QTRT2: variants seen among roughly 807,000 people sequenced by gnomAD.
QTRT2 encodes queuine tRNA-ribosyltransferase domain containing 1.
QTRT2 carries 32 observed loss-of-function variants against 44.8 expected under a neutral mutation model. The observed-to-expected ratio is 0.71, with a 90% CI of 0.54 to 0.96. The LOEUF (loss-of-function observed/expected upper bound fraction) is 0.96. Ranked by LOEUF, QTRT2 falls within the 40% of genes least tolerant of loss-of-function variation. The probability of loss-of-function intolerance (pLI) is 0.00; values close to 1 mark genes in which losing one functional copy is unlikely to be tolerated. For synonymous variants in QTRT2, 182 were observed against 187.4 expected (o/e 0.97, Z 0.24); for missense variants, 461 against 503.1 (o/e 0.92, Z 0.80).
chr3:114,084,012 A>G lies in QTRT2; in HGVS notation c.1016+1218A>G, dbSNP rs145956083. Among the ~76,000 whole-genome samples the G allele has an allele frequency of 6.0e-5, 9 of 151,024 alleles. No homozygotes were observed. The East Asian group carries it at 1.8e-3, about 29-fold the overall frequency. On this transcript the variant is annotated intron_variant, in intron 9 of 9. Transcript: ENST00000281273. ...TTGAGATTTGTAGACAAATTCTAGCACTGCTCTTGACTGTGTGACTTTGGT... is the reference window on the plus strand; with the variant it reads ...TTGAGATTTGTAGACAAATTCTAGCGCTGCTCTTGACTGTGTGACTTTGGT...
At chr3:114,075,607 C>G (rs984901153) in intron 6 of QTRT2, among the ~76,000 whole-genome samples, 2 of 150,786 alleles carry the variant, frequency 1.3e-5, no homozygotes, top group Non-Finnish European at 2.9e-5. Context: ...CTCCTCGGCT[C>G]AAGCGATTCT....
At chr3:114,060,495 G>T (rs1559945995) in intron 2 of QTRT2, among the ~76,000 whole-genome samples, 1 of 133,868 alleles carries the variant, frequency 7.5e-6, no homozygotes. Context: ...TAGGTAGGTA[G>T]GTAGATAGAT....
intron 2 of QTRT2, among the ~76,000 whole-genome samples, chr3:114,059,936 T>C (rs556849889): frequency 6.6e-6 from 1 of 152,348 alleles, no homozygotes; most frequent in South Asian, 2.1e-4. Flanking sequence ...TATTCTAAGC[T>C]GAGGATTTTG....
intron 2 of QTRT2, among the ~76,000 whole-genome samples, chr3:114,060,503 GATAGA>G (rs777916288): frequency 0.055 from 3,943 of 72,260 alleles, 65 homozygotes; most frequent in Non-Finnish European, 0.084. Context: ...TAGGTAGATA[GATAGA>G]TAGATAGATA....
chr3:114,066,436 A>G (rs974402642), intron 4 of QTRT2, 153 bp downstream of exon 4: 50 of 576,348 alleles, frequency 8.7e-5, no homozygotes, highest in Middle Eastern at 9.5e-4. Flanking sequence ...TGGCAAGTCA[A>G]GATTGAATAG....
intron 2 of QTRT2, among the ~76,000 whole-genome samples, chr3:114,058,643 C>A (rs765773201): frequency 6.6e-6 from 1 of 152,172 alleles, no homozygotes; most frequent in South Asian, 2.1e-4. Context: ...AGTGATTCTC[C>A]TGTCTCAGCC....
At chr3:114,075,034 T>C (rs1163839825) in intron 6 of QTRT2, among the ~76,000 whole-genome samples, 1 of 152,208 alleles carries the variant, frequency 6.6e-6, no homozygotes, top group Non-Finnish European at 1.5e-5. Context: ...CACATGTGAA[T>C]GAGTATAGGA....
At chr3:114,078,762 G>A (rs2077125994) in intron 7 of QTRT2, 1 of 152,214 alleles carries the variant, frequency 6.6e-6, no homozygotes. Context: ...ATTCTCCAGT[G>A]AGCATTTCCT....
rs529501411 is a variant in QTRT2 at position 114,085,523 on chromosome 3, C to T, written c.1017-150C>T. ...ACCCGGCCCTTTGTTAACTTTTAACCATATTGCCATTTTAAGCAGGTGCAC... is the reference window on the plus strand; with the variant it reads ...ACCCGGCCCTTTGTTAACTTTTAACTATATTGCCATTTTAAGCAGGTGCAC... On this transcript the variant is annotated intron_variant, in intron 9 of 9. Transcript: ENST00000281273. 3.7e-5 allele frequency: 27 copies of T among 720,064 alleles called. No individual in the cohort carries two copies. The African/African-American group carries it at 4.4e-4, about 12-fold the overall frequency. 44.6% of individuals were successfully genotyped at this position (720,064 alleles called of 1,614,324 possible). A position where few individuals can be genotyped will look rare whatever the true frequency, so the allele number is the denominator to read the frequency against.
chr3:114,057,795 C>T (rs1448651263), intron 2 of QTRT2, among the ~76,000 whole-genome samples: 1 of 152,152 alleles, frequency 6.6e-6, no homozygotes, highest in African/African-American at 2.4e-5. Context: ...AAAACACTCC[C>T]TCCCATATGC....
At chr3:114,083,967 T>G (rs2077201105) in intron 9 of QTRT2, among the ~76,000 whole-genome samples, 1 of 152,204 alleles carries the variant, frequency 6.6e-6, no homozygotes, top group Non-Finnish European at 1.5e-5. Flanking sequence ...ACTATTATTA[T>G]CAGCACTAGA....
chr3:114,081,904 A>G (rs2077169777), intron 8 of QTRT2, among the ~76,000 whole-genome samples: 1 of 152,170 alleles, frequency 6.6e-6, no homozygotes, highest in Admixed American at 6.5e-5. Context: ...GAGATTTGTT[A>G]TCATTTGTTC....
At chr3:114,083,896 G>A (rs973030840) in intron 9 of QTRT2, among the ~76,000 whole-genome samples, 1 of 151,844 alleles carries the variant, frequency 6.6e-6, no homozygotes, top group African/African-American at 2.4e-5. Flanking sequence ...TAAAATTTTA[G>A]GGTAATATAA....
At chr3:114,061,515 T>C (rs2076886243) in intron 2 of QTRT2, among the ~76,000 whole-genome samples, 1 of 152,242 alleles carries the variant, frequency 6.6e-6, no homozygotes. Context: ...TGTGTAATTC[T>C]GTTGGCACAG....
In QTRT2 at chr3:114,087,464, C is replaced by CA. The variant is rs1332652672; in HGVS notation, c.*1561dup. 1 of 152,068 alleles carries CA rather than the reference C, an allele frequency of 6.6e-6. No homozygotes were observed. The highest frequency in any genetic ancestry group is 2.4e-5 in the African/African-American group (1 of 41,384). 9.4% of individuals were successfully genotyped at this position (152,068 alleles called of 1,614,324 possible). A position where few individuals can be genotyped will look rare whatever the true frequency, so the allele number is the denominator to read the frequency against. On this transcript the variant is annotated 3_prime_UTR_variant, in exon 10 of 10. Coordinates refer to ENST00000281273, the MANE Select transcript of QTRT2 (RefSeq NM_024638.4). ...CGCGATCTCGGCTCTATGCAACCTC[C>CA]ACCTCCTGGGTTCATGCCATTCTCC...
At chr3:114,070,135 T>C (rs1331525673) in intron 5 of QTRT2, among the ~76,000 whole-genome samples, 1 of 152,178 alleles carries the variant, frequency 6.6e-6, no homozygotes, top group Non-Finnish European at 1.5e-5. Context: ...GGCAAAGAAG[T>C]AGAAGTTCCA....
At position 114,065,374 on chromosome 3, in the gene QTRT2, T is replaced by G. The variant is rs1208763743; in HGVS notation, c.117T>G (p.Thr39=). ...CAGGCTGCCTTCTGTATACCAAGAC[T>G]GGCTCCGCCCCACACCTCACCCATC... is the stretch of plus-strand genomic sequence containing the variant. The part of the protein sequence containing the change: ...DIPGCLLYTK[T]GSAPHLTHHT... The change falls in exon 3 of 10, where the codon ACT becomes ACG. Residue 39 remains threonine (T), a synonymous_variant. Coordinates refer to ENST00000281273, the MANE Select transcript of QTRT2 (RefSeq NM_024638.4). The G allele has an allele frequency of 1.2e-6, 2 of 1,614,188 alleles. No individual in the cohort carries two copies. The highest frequency in any genetic ancestry group is 1.7e-5 in the Admixed American group (1 of 60,006).
chr3:114,085,799 G>A lies in QTRT2; in HGVS notation c.1143G>A (p.Met381Ile), dbSNP rs554010662. 1.9e-6 allele frequency: 3 copies of A among 1,614,124 alleles called. No individual in the cohort carries two copies. The highest frequency in any genetic ancestry group is 2.7e-5 in the African/African-American group (2 of 75,014). Residue 381 changes from methionine (M) to isoleucine (I), a missense_variant, in exon 10 of 10, where the codon ATG (methionine) becomes ATA (isoleucine). By Grantham distance (10) the Met-to-Ile change is conservative (BLOSUM62 1). Coordinates refer to ENST00000281273, the MANE Select transcript of QTRT2 (RefSeq NM_024638.4). ...NELLAGVLLM[M>I]HNFEHYFGFF... ...TGCTGGCCGGAGTCCTGCTTATGAT[G>A]CACAACTTTGAACACTACTTTGGGT...
At chr3:114,075,188 T>C (rs1489783110) in intron 6 of QTRT2, among the ~76,000 whole-genome samples, 2 of 152,230 alleles carry the variant, frequency 1.3e-5, no homozygotes, top group Non-Finnish European at 2.9e-5. Context: ...CCTTACAGTT[T>C]CACCTCTACT....
Sources: gnomAD v4.1 joint callset for allele counts (sites outside exome capture counted in the v4.1 genomes callset) on GRCh38, gnomAD v4.1.1 for gene constraint, MANE v1.5 for transcripts, NCBI Gene and HGNC (gene_info 2026-07-23, HGNC 2026-07-21) for gene names.